CWF19L2: variants seen among roughly 807,000 people sequenced by gnomAD.
The protein encoded by CWF19L2 is CWF19-like protein 2.
A neutral mutation model predicts 111.7 loss-of-function variants in CWF19L2; 98 were observed. The ratio of observed to expected loss-of-function variants is 0.88; its 90% CI spans 0.75 to 1.04. CWF19L2 has a LOEUF of 1.04. Among genes scored for constraint, CWF19L2 ranks in the 50% least tolerant of loss-of-function variants. The pLI, the probability that CWF19L2 is intolerant of heterozygous loss-of-function variation, is 0.00. For missense variants in CWF19L2, 1,101 were observed against 1,051.4 expected (o/e 1.05, Z -0.65); for synonymous variants, 351 against 342.9 (o/e 1.02, Z -0.26).
Position 107,390,060 on chromosome 11 carries a change from G to T in CWF19L2, c.1872+14C>A, listed in dbSNP as rs1393483506. 1 of 1,609,002 alleles carries T rather than the reference G, an allele frequency of 6.2e-7. No homozygotes were observed. Among genetic ancestry groups the T allele is most frequent in the Admixed American group, 1.7e-5 (1 of 59,502 alleles). ...CTTCTCAAAATTCAGAGGTATCCTA[G>T]GAATATATCTTACCTTAGATGCCAT... On this transcript the variant is annotated intron_variant, in intron 12 of 17. Coordinates refer to ENST00000282251, the MANE Select transcript of CWF19L2 (RefSeq NM_152434.3).
intron 7 of CWF19L2, among the ~76,000 whole-genome samples, chr11:107,429,795 C>A (rs1291050713): frequency 4.1e-5 from 4 of 98,090 alleles, no homozygotes; most frequent in Admixed American, 1.2e-4. Context: ...ATTGCTAAAA[C>A]AGATTCTCAC....
chr11:107,374,035 C>A lies in CWF19L2; in HGVS notation c.1872+16039G>T, dbSNP rs1235308512. Among the ~76,000 whole-genome samples the A allele has an allele frequency of 3.7e-4, 50 of 135,310 alleles. 7 individuals are homozygous for A. In the East Asian group the frequency reaches 5.6e-3, roughly 15 times the overall value. 88.8% of individuals were successfully genotyped at this position (135,310 alleles called of 152,430 possible). ...AAGGGTATCAGCAATGGAAGATGAACTGAATGAAATGAAACGAGAAGGGAA... is the reference window on the plus strand; with the variant it reads ...AAGGGTATCAGCAATGGAAGATGAAATGAATGAAATGAAACGAGAAGGGAA... On this transcript the variant is annotated intron_variant, in intron 12 of 17. Transcript: ENST00000282251.
At chr11:107,435,840 T>C (rs996957303) in intron 6 of CWF19L2, among the ~76,000 whole-genome samples, 2 of 152,054 alleles carry the variant, frequency 1.3e-5, no homozygotes, top group Admixed American at 6.6e-5. Flanking sequence ...ATAAAAACCT[T>C]CCTACAATAG....
At chr11:107,435,499 A>G (rs996899837) in intron 6 of CWF19L2, among the ~76,000 whole-genome samples, 5 of 150,430 alleles carry the variant, frequency 3.3e-5, no homozygotes, top group African/African-American at 1.2e-4. Flanking sequence ...AATAGCTCAG[A>G]AAAAAAAAAT....
chr11:107,408,199 A>G (rs913045155), intron 10 of CWF19L2, among the ~76,000 whole-genome samples: 2 of 152,020 alleles, frequency 1.3e-5, no homozygotes, highest in African/African-American at 4.8e-5. Context: ...TATTTATATA[A>G]TTAATCTTAT....
In CWF19L2 at chr11:107,418,744, G is replaced by C. The variant is rs531587313; in HGVS notation, c.1434-457C>G. On this transcript the variant is annotated intron_variant, in intron 8 of 17. Coordinates refer to ENST00000282251, the MANE Select transcript of CWF19L2 (RefSeq NM_152434.3). ...AAAAGCATTGATCGTGTGCTTTTTT[G>C]TAAAGTCAGTCCAGAACATAACATA... 1.1e-4 allele frequency among the ~76,000 whole-genome samples: 17 copies of C among 152,172 alleles called. No individual in the cohort carries two copies. In the South Asian group the frequency reaches 2.3e-3, roughly 20 times the overall value.
At position 107,433,669 on chromosome 11, in the gene CWF19L2, T is replaced by C. The variant is rs1861496276; in HGVS notation, c.745A>G (p.Arg249Gly). ...RMKEQAEKQS[R>G]NFEDIVAERY... ...TCGGCTACAATGTCCTCAAAGTTTC[T>C]ACTTTGTTTCTCAGCTTGTTCCTTC... is the stretch of plus-strand genomic sequence containing the variant. Residue 249 changes from arginine to glycine, a missense_variant, in exon 7 of 18, where the codon AGA becomes GGA. Arg to Gly is a moderately radical substitution (Grantham distance 125). Coordinates refer to ENST00000282251, the MANE Select transcript of CWF19L2 (RefSeq NM_152434.3). 3 of 1,587,240 alleles carry C rather than the reference T, an allele frequency of 1.9e-6. No individual in the cohort carries two copies. In the East Asian group the frequency reaches 7.0e-5, roughly 37 times the overall value.
At chr11:107,345,302 T>C in intron 14 of CWF19L2, 1 of 261,190 alleles carries the variant, frequency 3.8e-6, no homozygotes, top group South Asian at 4.0e-5. Flanking sequence ...AACAAAATCG[T>C]TAACAGAGTG....
intron 12 of CWF19L2, among the ~76,000 whole-genome samples, chr11:107,373,868 T>A (rs1860554095): frequency 7.5e-6 from 1 of 132,678 alleles, no homozygotes; most frequent in African/African-American, 3.0e-5. Flanking sequence ...GTTGAAAACT[T>A]TGAAAAAAAT....
intron 10 of CWF19L2, chr11:107,404,605 C>G (rs1861052559): frequency 3.5e-6 from 2 of 575,758 alleles, no homozygotes; most frequent in Non-Finnish European, 6.4e-6. Context: ...AAAGCACCTG[C>G]AGCTCTGGCT....
At chr11:107,329,120 G>C (rs1591143869) in intron 17 of CWF19L2, among the ~76,000 whole-genome samples, 1 of 152,174 alleles carries the variant, frequency 6.6e-6, no homozygotes, top group East Asian at 1.9e-4. Context: ...TGGCTACATA[G>C]GGATAAATAT....
chr11:107,410,552 A>T (rs2135392973), intron 10 of CWF19L2, among the ~76,000 whole-genome samples: 1 of 152,316 alleles, frequency 6.6e-6, no homozygotes, highest in Admixed American at 6.5e-5. Context: ...AAAAGGGACT[A>T]ACAAGCAGAA....
intron 3 of CWF19L2, among the ~76,000 whole-genome samples, chr11:107,446,940 T>A (rs1190823062): frequency 1.3e-5 from 2 of 152,124 alleles, no homozygotes; most frequent in African/African-American, 4.8e-5. Flanking sequence ...CCTCCTGACC[T>A]AACACAGCCT....
intron 12 of CWF19L2, among the ~76,000 whole-genome samples, chr11:107,365,098 C>A (rs1262922020): frequency 7.6e-6 from 1 of 131,734 alleles, no homozygotes; most frequent in Non-Finnish European, 1.6e-5. Context: ...TTCCTCGACA[C>A]ATACACTCTC....
At chr11:107,383,284 A>T (rs1221302980) in intron 12 of CWF19L2, among the ~76,000 whole-genome samples, 1 of 152,090 alleles carries the variant, frequency 6.6e-6, no homozygotes, top group African/African-American at 2.4e-5. Flanking sequence ...CTGAGACCCC[A>T]ACCTGTGGAA....
chr11:107,388,477 G>A (rs1195089132), intron 12 of CWF19L2, among the ~76,000 whole-genome samples: 1 of 152,024 alleles, frequency 6.6e-6, no homozygotes, highest in Non-Finnish European at 1.5e-5. Flanking sequence ...CCACCTCCCG[G>A]GTTCCAGGGA....
intron 16 of CWF19L2, among the ~76,000 whole-genome samples, chr11:107,334,175 G>T (rs1401369881): frequency 6.6e-6 from 1 of 152,100 alleles, no homozygotes; most frequent in East Asian, 1.9e-4. Flanking sequence ...GTAAATATCA[G>T]GCACACAATA....
In CWF19L2 at chr11:107,453,538, T is replaced by C. The variant is rs373372382; in HGVS notation, c.339+912A>G. On this transcript the variant is annotated intron_variant, in intron 3 of 17. Coordinates refer to ENST00000282251, the MANE Select transcript of CWF19L2 (RefSeq NM_152434.3). ...GGCCCTGAATAACCAGCACCAATAA[T>C]CGGGTACTACACTGTGGCCTTCACT... Among the ~76,000 whole-genome samples the C allele has an allele frequency of 5.3e-5, 8 of 151,766 alleles. No individual in the cohort carries two copies. In the South Asian group the frequency reaches 1.2e-3, roughly 24 times the overall value.
intron 13 of CWF19L2, among the ~76,000 whole-genome samples, chr11:107,350,469 T>C (rs1860141997): frequency 6.6e-6 from 1 of 152,150 alleles, no homozygotes; most frequent in Non-Finnish European, 1.5e-5. Context: ...CCCCAGGGAA[T>C]GTTCTTGCCA....
Sources: allele counts gnomAD v4.1 joint callset (sites outside exome capture counted in the v4.1 genomes callset), GRCh38; gene constraint gnomAD v4.1.1; transcripts MANE v1.5; gene names NCBI Gene and HGNC (gene_info 2026-07-23, HGNC 2026-07-21).